ARHGAP27: variants seen among roughly 807,000 people sequenced by gnomAD.
ARHGAP27 encodes the protein rho GTPase-activating protein 27.
Under a neutral mutation model 102.0 loss-of-function variants are expected in ARHGAP27, and 53 were observed. The observed-to-expected ratio is 0.52, with a 90% CI of 0.42 to 0.65. The LOEUF is 0.65. Ranked by LOEUF, ARHGAP27 falls within the 30% of genes least tolerant of loss-of-function variation. The pLI is 0.00. For synonymous variants in ARHGAP27, 525 were observed against 542.8 expected (o/e 0.97, Z 0.46); for missense variants, 1,117 against 1,256.2 (o/e 0.89, Z 1.68).
intron 4 of ARHGAP27, among the ~76,000 whole-genome samples, chr17:45,418,985 G>C (rs1567726524): frequency 6.6e-6 from 1 of 151,916 alleles, no homozygotes; most frequent in African/African-American, 2.4e-5. Flanking sequence ...CCACTCTAGG[G>C]CCCCCCCACC....
Position 45,396,806 on chromosome 17 carries a change from G to T in ARHGAP27, c.1952-16C>A. On this transcript the variant is annotated splice_polypyrimidine_tract_variant and intron_variant, in intron 14 of 19. Transcript: ENST00000685559. The stretch of plus-strand genomic sequence containing the variant: ...GCGGGCGCGGCTGCCGCGGGGAAAG[G>T]CAGGACTGAGTCAGGAGGCAGCGCC... 1 of 1,608,844 alleles carries T rather than the reference G, an allele frequency of 6.2e-7. No homozygotes were observed. The highest frequency in any genetic ancestry group is 8.5e-7 in the Non-Finnish European group (1 of 1,177,820).
intron 13 of ARHGAP27, chr17:45,397,676 T>C (rs1301488138): frequency 7.7e-6 from 3 of 387,132 alleles, no homozygotes; most frequent in Admixed American, 4.3e-5. Context: ...GAGTATTTAT[T>C]TGGCCTTCTG....
intron 12 of ARHGAP27, among the ~76,000 whole-genome samples, chr17:45,401,000 A>T (rs977284564): frequency 1.3e-5 from 2 of 152,064 alleles, no homozygotes; most frequent in Non-Finnish European, 2.9e-5. Context: ...TTAGTTGATC[A>T]CAGAACTCTA....
chr17:45,412,323 A>G (rs1567717345), intron 4 of ARHGAP27, among the ~76,000 whole-genome samples: 2 of 152,080 alleles, frequency 1.3e-5, no homozygotes, highest in Non-Finnish European at 2.9e-5. Flanking sequence ...CCACACCCTC[A>G]TGCCTCTGAG....
Position 45,403,642 on chromosome 17 carries a change from T to C in ARHGAP27, c.1615A>G (p.Lys539Glu), listed in dbSNP as rs546403051. 1 of 1,614,002 alleles carries C rather than the reference T, an allele frequency of 6.2e-7. No individual in the cohort carries two copies. Among genetic ancestry groups the C allele is most frequent in the South Asian group, 1.1e-5 (1 of 91,070 alleles). ...ACCAGGCCGCCTGCAGCCGAGGTCTTTGAGTCCTTGAAGAATGTCAGGACG... is the reference window on the plus strand; with the variant it reads ...ACCAGGCCGCCTGCAGCCGAGGTCTCTGAGTCCTTGAAGAATGTCAGGACG... ...GGVLTFFKDS[K>E]TSAAGGLRQP... The change falls in exon 11 of 20, where the codon AAG becomes GAG. Residue 539 changes from lysine to glutamate, a missense_variant. Coordinates refer to ENST00000685559, the MANE Select transcript of ARHGAP27 (RefSeq NM_001282290.2).
intron 17 of ARHGAP27, 27 bp downstream of exon 17, chr17:45,396,180 G>C: frequency 6.3e-7 from 1 of 1,596,016 alleles, no homozygotes; most frequent in Non-Finnish European, 8.5e-7. Context: ...TTCAGGCCCT[G>C]GGGCAGGGGT....
chr17:45,414,443 T>G (rs1474644132), intron 4 of ARHGAP27, among the ~76,000 whole-genome samples: 2 of 140,400 alleles, frequency 1.4e-5, no homozygotes, highest in African/African-American at 2.6e-5. Context: ...TCCATGTTGG[T>G]TTTTTTTTTT....
chr17:45,424,836 G>A (rs561450313), intron 4 of ARHGAP27, among the ~76,000 whole-genome samples: 1 of 152,342 alleles, frequency 6.6e-6, no homozygotes, highest in East Asian at 1.9e-4. Flanking sequence ...CAAAAAACAG[G>A]TCTAGAGTGA....
At chr17:45,402,147 C>T (rs1252470956) in intron 12 of ARHGAP27, among the ~76,000 whole-genome samples, 2 of 152,074 alleles carry the variant, frequency 1.3e-5, no homozygotes, top group African/African-American at 4.8e-5. Context: ...GCGGTCCAGT[C>T]GGAAATGGGG....
intron 4 of ARHGAP27, among the ~76,000 whole-genome samples, chr17:45,417,026 C>T (rs542783182): frequency 6.8e-6 from 1 of 147,956 alleles, no homozygotes; most frequent in African/African-American, 2.5e-5. Context: ...GCATGGTGGC[C>T]CATGCTTGTA....
At chr17:45,411,321 G>A (rs2047884682) in intron 4 of ARHGAP27, among the ~76,000 whole-genome samples, 1 of 151,948 alleles carries the variant, frequency 6.6e-6, no homozygotes, top group Non-Finnish European at 1.5e-5. Flanking sequence ...AGGCTTAAGG[G>A]CCAGGCAGCA....
Position 45,430,392 on chromosome 17 carries a change from C to T in ARHGAP27, c.-18-95G>A. ...ACAGACTTGGGTTCGAGTCCCGATC[C>T]TGCACTCGCCGTTCGCCTTCGGGCC... is the stretch of plus-strand genomic sequence containing the variant. On this transcript the variant is annotated intron_variant, in intron 3 of 19. Coordinates refer to ENST00000685559, the MANE Select transcript of ARHGAP27 (RefSeq NM_001282290.2). The surrounding 1 kb of genome is among the most constrained non-coding windows in gnomAD (Gnocchi z 4.4). 1 of 1,457,230 alleles carries T rather than the reference C, an allele frequency of 6.9e-7. No homozygotes were observed. The highest frequency in any genetic ancestry group is 9.0e-7 in the Non-Finnish European group (1 of 1,113,212). The allele number at this position is 1,457,230 out of a possible 1,614,324, so 90.3% of individuals were successfully genotyped here.
At chr17:45,403,553 AAAAAAT>A in intron 11 of ARHGAP27, 60 bp downstream of exon 11, 5 of 1,381,294 alleles carry the variant, frequency 3.6e-6, no homozygotes, top group East Asian at 4.7e-5. Context: ...TCCGTCTCAA[AAAAAAT>A]AAAAATAAAA....
rs997029564 is a variant in ARHGAP27 at position 45,405,162 on chromosome 17, C to A, written c.1066-56G>T. The A allele has an allele frequency of 4.0e-6, 6 of 1,510,114 alleles. No individual in the cohort carries two copies. The Admixed American group carries it at 8.7e-5, about 22-fold the overall frequency. 93.5% of individuals were successfully genotyped at this position (1,510,114 alleles called of 1,614,324 possible). A position where few individuals can be genotyped will look rare whatever the true frequency, so the allele number is the denominator to read the frequency against. ...TCTGAGTGCCAGTACTGCCTGCTGG[C>A]CCTGCCGTTTTGGACCAGGCCCACC... On this transcript the variant is annotated intron_variant, in intron 5 of 19. Coordinates refer to ENST00000685559, the MANE Select transcript of ARHGAP27 (RefSeq NM_001282290.2).
Position 45,427,568 on chromosome 17 carries a change from C to T in ARHGAP27, c.657+2055G>A, listed in dbSNP as rs1162046170. On this transcript the variant is annotated intron_variant, in intron 4 of 19. Coordinates refer to ENST00000685559, the MANE Select transcript of ARHGAP27 (RefSeq NM_001282290.2). This position sits in a 1 kb window ranked among gnomAD's most constrained non-coding sequence, Gnocchi z 4.5. ...TAAGAGCAGGGATGGGGTTCCCTTGCGGGGGCAGGGCCAACTCCCTACCCT... is the reference window on the plus strand; with the variant it reads ...TAAGAGCAGGGATGGGGTTCCCTTGTGGGGGCAGGGCCAACTCCCTACCCT... Among the ~76,000 whole-genome samples the T allele has an allele frequency of 3.9e-5, 6 of 152,204 alleles. No homozygotes were observed. The highest frequency in any genetic ancestry group is 5.9e-5 in the Non-Finnish European group (4 of 68,036).
At chr17:45,410,545 T>C (rs892966410) in intron 4 of ARHGAP27, 10 of 769,402 alleles carry the variant, frequency 1.3e-5, no homozygotes, top group East Asian at 3.7e-5. Context: ...CTCAGTGCTC[T>C]AATGACCAGT....
chr17:45,397,156 CTTAACCAGG>C, intron 13 of ARHGAP27, 132 bp from the exon 14 acceptor site: 2 of 1,463,734 alleles, frequency 1.4e-6, no homozygotes, highest in Non-Finnish European at 1.8e-6. Flanking sequence ...CCTCTCTTCC[CTTAACCAGG>C]TTAACTCTCC....
At chr17:45,422,762 A>C (rs565220924) in intron 4 of ARHGAP27, among the ~76,000 whole-genome samples, 1 of 152,360 alleles carries the variant, frequency 6.6e-6, no homozygotes, top group South Asian at 2.1e-4. Context: ...ACACATCTCT[A>C]TCAGAATTAG....
At chr17:45,410,085 G>T in intron 4 of ARHGAP27, 1 of 1,040,732 alleles carries the variant, frequency 9.6e-7, no homozygotes, top group Non-Finnish European at 1.4e-6. Flanking sequence ...CCTCTTGGAT[G>T]GGCAGGGCCT....
Sources: gnomAD v4.1 joint callset for allele counts (sites outside exome capture counted in the v4.1 genomes callset) on GRCh38, gnomAD v4.1.1 for gene constraint, Gnocchi (gnomAD v3.1) non-coding constraint, MANE v1.5 for transcripts, NCBI Gene and HGNC (gene_info 2026-07-23, HGNC 2026-07-21) for gene names.